ADAMTSL3: variants seen among roughly 807,000 people sequenced by gnomAD.
The protein encoded by ADAMTSL3 is ADAMTS-like protein 3.
Under a neutral mutation model 201.7 loss-of-function variants are expected in ADAMTSL3, and 128 were observed. That is an observed-to-expected ratio of 0.63 (90% CI 0.55 to 0.73). The LOEUF (loss-of-function observed/expected upper bound fraction) is 0.73. Ranked by LOEUF, ADAMTSL3 falls within the 30% of genes least tolerant of loss-of-function variation. The pLI is 0.00. For missense variants in ADAMTSL3, 1,990 were observed against 2,119.6 expected, an observed-to-expected ratio of 0.94 and a Z score of 1.20; for synonymous variants, 738 against 748.4, an observed-to-expected ratio of 0.99 and a Z score of 0.23.
intron 4 of ADAMTSL3, among the ~76,000 whole-genome samples, chr15:83,804,283 ATTC>A (rs1356127134): frequency 2.0e-5 from 3 of 152,216 alleles, no homozygotes; most frequent in African/African-American, 4.8e-5. Context: ...TGCTACACAA[ATTC>A]TTCTACATGT....
intron 7 of ADAMTSL3, among the ~76,000 whole-genome samples, chr15:83,849,826 T>C (rs574546279): frequency 1.3e-5 from 2 of 152,246 alleles, no homozygotes; most frequent in African/African-American, 4.8e-5. Context: ...AAACAAATAG[T>C]TTGAAGAATT....
intron 23 of ADAMTSL3, among the ~76,000 whole-genome samples, chr15:84,008,146 G>T (rs1450974557): frequency 6.6e-6 from 1 of 152,198 alleles, no homozygotes; most frequent in Non-Finnish European, 1.5e-5. Context: ...TTCTCACTCT[G>T]TTGCCCAGGC....
intron 17 of ADAMTSL3, among the ~76,000 whole-genome samples, chr15:83,940,032 TGAAATGGTTACTTA>T (rs945156940): frequency 5.3e-5 from 8 of 152,222 alleles, no homozygotes; most frequent in Non-Finnish European, 1.2e-4. Context: ...TTTAACCTCT[TGAAATGGTTACTTA>T]GATTATTATT....
chr15:83,760,466 A>G (rs1376854645), intron 3 of ADAMTSL3, among the ~76,000 whole-genome samples: 1 of 152,138 alleles, frequency 6.6e-6, no homozygotes, highest in Non-Finnish European at 1.5e-5. Context: ...ATATATTCTG[A>G]GATGGTTAGT....
chr15:83,896,565 C>T (rs188558638), intron 13 of ADAMTSL3, among the ~76,000 whole-genome samples: 1 of 152,034 alleles, frequency 6.6e-6, no homozygotes, highest in East Asian at 1.9e-4. Flanking sequence ...AACAATGGCA[C>T]CACACTAAGG....
chr15:83,708,667 A>G (rs555802378), intron 3 of ADAMTSL3, among the ~76,000 whole-genome samples: 1 of 152,300 alleles, frequency 6.6e-6, no homozygotes, highest in South Asian at 2.1e-4. Flanking sequence ...TATTTCTTTT[A>G]AAAAACAAAG....
intron 28 of ADAMTSL3, among the ~76,000 whole-genome samples, chr15:84,033,775 G>A (rs2068450109): frequency 6.6e-6 from 1 of 152,128 alleles, no homozygotes; most frequent in Non-Finnish European, 1.5e-5. Context: ...CTGTCCTTCT[G>A]TCAGTTTCTC....
At chr15:83,828,773 A>G (rs959598839) in intron 6 of ADAMTSL3, among the ~76,000 whole-genome samples, 3 of 152,166 alleles carry the variant, frequency 2.0e-5, no homozygotes, top group African/African-American at 4.8e-5. Flanking sequence ...TTCTGCATCT[A>G]TTGAGATAAT....
At chr15:83,889,489 A>G (rs1013036585) in intron 10 of ADAMTSL3, among the ~76,000 whole-genome samples, 4 of 152,354 alleles carry the variant, frequency 2.6e-5, no homozygotes, top group East Asian at 3.9e-4. Context: ...TTTAAAACAC[A>G]TTATCATTTA....
rs532098259 is a variant in ADAMTSL3 at position 83,697,995 on chromosome 15, T to G, written c.70-6394T>G. ...AGCACCCAGGAAATTCCAAGGAATT[T>G]AGGGGCTGAGTCAGATGCCCCTGTC... On this transcript the variant is annotated intron_variant, in intron 2 of 29. Coordinates refer to ENST00000286744, the MANE Select transcript of ADAMTSL3 (RefSeq NM_207517.3). Among the ~76,000 whole-genome samples, 3 of 152,058 alleles carry G rather than the reference T, an allele frequency of 2.0e-5. No homozygotes were observed. In the South Asian group the frequency reaches 6.3e-4, roughly 32 times the overall value.
chr15:84,014,272 A>G (rs1219779151), intron 23 of ADAMTSL3, among the ~76,000 whole-genome samples: 1 of 152,134 alleles, frequency 6.6e-6, no homozygotes, highest in Admixed American at 6.5e-5. Context: ...CTCCCTTCCC[A>G]ATACAGAGCA....
At chr15:83,734,811 C>T (rs548836460) in intron 3 of ADAMTSL3, among the ~76,000 whole-genome samples, 22 of 152,084 alleles carry the variant, frequency 1.4e-4, no homozygotes, top group Non-Finnish European at 2.6e-4. Context: ...TGATTTTTGC[C>T]GATGGTGGAA....
chr15:83,671,812 C>G (rs998960938), intron 2 of ADAMTSL3, among the ~76,000 whole-genome samples: 6 of 152,134 alleles, frequency 3.9e-5, no homozygotes, highest in Non-Finnish European at 8.8e-5. Context: ...GGAGCTCTGC[C>G]AACAAATGCT....
At chr15:84,002,438 A>G (rs2067807107) in intron 23 of ADAMTSL3, among the ~76,000 whole-genome samples, 1 of 152,150 alleles carries the variant, frequency 6.6e-6, no homozygotes, top group Non-Finnish European at 1.5e-5. Context: ...TGAAAACTCC[A>G]CAGTCACTCA....
At chr15:83,778,620 C>A (rs774394135) in intron 4 of ADAMTSL3, among the ~76,000 whole-genome samples, 1 of 152,144 alleles carries the variant, frequency 6.6e-6, no homozygotes, top group Non-Finnish European at 1.5e-5. Flanking sequence ...GAAGGAAGCA[C>A]TAAATATGGA....
At chr15:83,790,838 A>G (rs1266224027) in intron 4 of ADAMTSL3, among the ~76,000 whole-genome samples, 2 of 152,214 alleles carry the variant, frequency 1.3e-5, no homozygotes, top group African/African-American at 2.4e-5. Context: ...ACAGAAATCA[A>G]TTGTATTTCT....
chr15:83,855,302 C>G (rs1286664861), intron 7 of ADAMTSL3, among the ~76,000 whole-genome samples: 1 of 152,166 alleles, frequency 6.6e-6, no homozygotes, highest in African/African-American at 2.4e-5. Context: ...ACATCTCATT[C>G]CCAGCTTTTT....
chr15:83,970,264 GAGAA>G (rs777470741), intron 19 of ADAMTSL3, among the ~76,000 whole-genome samples: 4 of 151,092 alleles, frequency 2.6e-5, no homozygotes, highest in South Asian at 2.1e-4. Flanking sequence ...GAAGGAAAAA[GAGAA>G]AGAAAGAAAG....
rs765497460 is a variant in ADAMTSL3 at position 83,704,519 on chromosome 15, T to G, written c.189+11T>G. ...CGCTATGATGACCAGGTAAGAACAT[T>G]GGACAAGGATCTACCTTTGGCTTTG... On this transcript the variant is annotated intron_variant, in intron 3 of 29. Transcript: ENST00000286744. 6.2e-7 allele frequency: 1 copy of G among 1,613,996 alleles called. No individual in the cohort carries two copies. The highest frequency in any genetic ancestry group is 8.5e-7 in the Non-Finnish European group (1 of 1,179,962).
Sources: allele counts gnomAD v4.1 joint callset (sites outside exome capture counted in the v4.1 genomes callset), GRCh38; gene constraint gnomAD v4.1.1; transcripts MANE v1.5; gene names NCBI Gene and HGNC (gene_info 2026-07-23, HGNC 2026-07-21).